The following B3GAT2 variants were observed in gnomAD, a reference collection of about 807,000 sequenced individuals.
The protein encoded by B3GAT2 is galactosylgalactosylxylosylprotein 3-beta-glucuronosyltransferase 2.
A neutral mutation model predicts 27.8 loss-of-function variants in B3GAT2; 26 were observed. The ratio of observed to expected loss-of-function variants is 0.93; its 90% confidence interval spans 0.68 to 1.30. B3GAT2 has a LOEUF of 1.30. Ranked by LOEUF, B3GAT2 falls within the 50% of genes most tolerant of loss-of-function variation. The pLI is 0.00. For synonymous variants in B3GAT2, 218 were observed against 195.1 expected (o/e 1.12, Z -0.98); for missense variants, 458 against 459.0 (o/e 1.00, Z 0.02).
At chr6:70,873,174 C>T in intron 2 of B3GAT2, among the ~76,000 whole-genome samples, 1 of 151,948 alleles carries the variant, frequency 6.6e-6, no homozygotes, top group East Asian at 1.9e-4. Flanking sequence ...ATGTGGATTA[C>T]AGTTCCCGTC....
chr6:70,913,815 T>A (rs1772725819), intron 1 of B3GAT2, among the ~76,000 whole-genome samples: 3 of 152,240 alleles, frequency 2.0e-5, no homozygotes. Context: ...CTCCCAATAT[T>A]ACCGTGTGGT....
chr6:70,945,348 C>A lies in B3GAT2; in HGVS notation c.591+10491G>T, dbSNP rs561816463. The stretch of plus-strand genomic sequence containing the variant: ...GAAAAAAATTTAGACGAATGTATAA[C>A]TAGAATAACCAATACAGAGAAGTGC... On this transcript the variant is annotated intron_variant, in intron 1 of 3. Transcript: ENST00000230053. Among the ~76,000 whole-genome samples the A allele has an allele frequency of 5.9e-5, 9 of 152,214 alleles. No homozygotes were observed. In the East Asian group the frequency reaches 1.7e-3, roughly 29 times the overall value.
At chr6:70,932,302 A>G (rs1376326877) in intron 1 of B3GAT2, among the ~76,000 whole-genome samples, 1 of 152,172 alleles carries the variant, frequency 6.6e-6, no homozygotes, top group Non-Finnish European at 1.5e-5. Context: ...CTGTGTATAT[A>G]CCCAAAAGAA....
In B3GAT2 at chr6:70,859,342, G is replaced by T. The variant is rs1771591824; in HGVS notation, c.*2321C>A. ...TCTTACTTCCAGATAATGCAGAAGG[G>T]TGATGCTGTTCTCCAGCACTCCATC... On this transcript the variant is annotated 3_prime_UTR_variant, in exon 4 of 4. Transcript: ENST00000230053. 2 of 1,548,680 alleles carry T rather than the reference G, an allele frequency of 1.3e-6. No individual in the cohort carries two copies. The highest frequency in any genetic ancestry group is 2.7e-5 in the African/African-American group (2 of 72,994).
chr6:70,893,168 G>C (rs1772319982), intron 2 of B3GAT2, among the ~76,000 whole-genome samples: 1 of 152,124 alleles, frequency 6.6e-6, no homozygotes, highest in Admixed American at 6.5e-5. Flanking sequence ...TCGTCCTCTG[G>C]CTCCCTCAGA....
intron 1 of B3GAT2, among the ~76,000 whole-genome samples, chr6:70,902,539 T>C (rs569857984): frequency 4.6e-5 from 7 of 151,718 alleles, no homozygotes; most frequent in African/African-American, 1.4e-4. Flanking sequence ...CCCATGTTTA[T>C]TGCAGCACTA....
intron 2 of B3GAT2, among the ~76,000 whole-genome samples, chr6:70,892,539 G>A (rs1388471468): frequency 6.6e-6 from 1 of 152,178 alleles, no homozygotes; most frequent in Non-Finnish European, 1.5e-5. Context: ...AAGTCTGTCT[G>A]CGGCTGCTTG....
At chr6:70,927,565 A>G (rs1772984521) in intron 1 of B3GAT2, among the ~76,000 whole-genome samples, 1 of 152,226 alleles carries the variant, frequency 6.6e-6, no homozygotes, top group Admixed American at 6.5e-5. Flanking sequence ...AACAAAGATC[A>G]AAAGAGACAA....
chr6:70,885,652 G>A (rs1772172820), intron 2 of B3GAT2, among the ~76,000 whole-genome samples: 1 of 152,164 alleles, frequency 6.6e-6, no homozygotes, highest in Non-Finnish European at 1.5e-5. Context: ...ACCGTTAAGA[G>A]TGATCTCACA....
chr6:70,879,480 G>GATTCGTTC (rs1554212868), intron 2 of B3GAT2, among the ~76,000 whole-genome samples: 7 of 151,544 alleles, frequency 4.6e-5, no homozygotes, highest in African/African-American at 1.7e-4. Flanking sequence ...CTAAACTTAG[G>GATTCGTTC]ATTCATTCAT....
intron 1 of B3GAT2, among the ~76,000 whole-genome samples, chr6:70,950,300 ATTT>A (rs58917186): frequency 4.8e-5 from 7 of 147,314 alleles, no homozygotes; most frequent in Admixed American, 1.4e-4. Context: ...AAAAAAAAAA[ATTT>A]TATTTTTCAA....
chr6:70,871,920 A>G (rs1163965067), intron 2 of B3GAT2, among the ~76,000 whole-genome samples: 2 of 151,796 alleles, frequency 1.3e-5, no homozygotes, highest in Non-Finnish European at 2.9e-5. Context: ...TCTCTTCAAA[A>G]TATTTCCCAA....
intron 1 of B3GAT2, among the ~76,000 whole-genome samples, chr6:70,942,340 G>T (rs193292165): frequency 3.3e-5 from 5 of 152,230 alleles, no homozygotes; most frequent in Admixed American, 6.5e-5. Flanking sequence ...AAAAGTGGCT[G>T]CCTATTTCTC....
At chr6:70,913,100 T>C (rs1020404469) in intron 1 of B3GAT2, among the ~76,000 whole-genome samples, 1 of 152,194 alleles carries the variant, frequency 6.6e-6, no homozygotes, top group Non-Finnish European at 1.5e-5. Flanking sequence ...ATCTTATTTA[T>C]TGTTTCAAAG....
chr6:70,870,931 A>T (rs536302189), intron 2 of B3GAT2, among the ~76,000 whole-genome samples: 12 of 152,166 alleles, frequency 7.9e-5, no homozygotes, highest in Admixed American at 5.2e-4. Flanking sequence ...TAGTTTATTG[A>T]TCTTCTCTCT....
intron 1 of B3GAT2, among the ~76,000 whole-genome samples, chr6:70,946,320 T>C (rs1371732295): frequency 6.6e-6 from 1 of 152,084 alleles, no homozygotes; most frequent in Non-Finnish European, 1.5e-5. Context: ...ATCAGTGTGC[T>C]GTATTCAGGA....
At chr6:70,899,106 A>G (rs1378271325) in intron 1 of B3GAT2, among the ~76,000 whole-genome samples, 2 of 152,230 alleles carry the variant, frequency 1.3e-5, no homozygotes, top group Non-Finnish European at 2.9e-5. Flanking sequence ...AAAGGGAGAC[A>G]GGTAATAAAT....
intron 1 of B3GAT2, among the ~76,000 whole-genome samples, chr6:70,911,944 G>A (rs184167427): frequency 2.0e-5 from 3 of 152,128 alleles, no homozygotes; most frequent in Non-Finnish European, 4.4e-5. Flanking sequence ...TTGGCTCTCA[G>A]CTTGGATGTT....
intron 2 of B3GAT2, among the ~76,000 whole-genome samples, chr6:70,872,593 C>A (rs1192489461): frequency 6.7e-6 from 1 of 148,270 alleles, no homozygotes; most frequent in Non-Finnish European, 1.5e-5. Flanking sequence ...TTGAATCTAA[C>A]ATGTTTGTCT....
Sources: allele counts gnomAD v4.1 joint callset (sites outside exome capture counted in the v4.1 genomes callset), GRCh38; gene constraint gnomAD v4.1.1; transcripts MANE v1.5; gene names NCBI Gene and HGNC (gene_info 2026-07-23, HGNC 2026-07-21).